Variants in ANKRD31 observed in about 807,000 individuals in gnomAD.
The protein encoded by ANKRD31 is ankyrin repeat domain 31, also known as ankyrin repeat domain-containing protein 31.
ANKRD31 carries 147 observed loss-of-function variants against 186.0 expected under a neutral mutation model. The observed-to-expected ratio is 0.79, with a 90% confidence interval of 0.69 to 0.91. The LOEUF is 0.91. ANKRD31 is among the 40% of genes least tolerant of loss of function. The pLI, the probability that ANKRD31 is intolerant of heterozygous loss-of-function variation, is 0.00. For synonymous variants in ANKRD31, 673 were observed against 736.4 expected, an observed-to-expected ratio of 0.91 and a Z score of 1.39; for missense variants, 1,986 against 2,148.8, an observed-to-expected ratio of 0.92 and a Z score of 1.50.
rs529418131 is a variant in ANKRD31, at chr5:75,225,952, C to T, written c.179-3594G>A. Among the ~76,000 whole-genome samples, 13 of 152,280 alleles carry T rather than the reference C, an allele frequency of 8.5e-5. No individual in the cohort carries two copies. The South Asian group carries it at 2.7e-3, about 32-fold the overall frequency. The stretch of plus-strand genomic sequence containing the variant: ...ACTGCTCTGAAGGGTGGGTTCCAGA[C>T]CTGATAGCATTCACCACAAGCTGAC... On this transcript the variant is annotated intron_variant, in intron 2 of 25. Coordinates refer to ENST00000506364, the MANE Select transcript of ANKRD31 (RefSeq NM_001372053.1).
intron 12 of ANKRD31, among the ~76,000 whole-genome samples, chr5:75,150,777 T>C (rs903704974): frequency 1.1e-4 from 17 of 152,110 alleles, no homozygotes; most frequent in African/African-American, 3.6e-4. Flanking sequence ...AATAGAGAAG[T>C]CAAGCAGTTA....
intron 10 of ANKRD31, among the ~76,000 whole-genome samples, chr5:75,176,831 C>G (rs189481438): frequency 6.6e-6 from 1 of 152,204 alleles, no homozygotes; most frequent in Admixed American, 6.5e-5. Flanking sequence ...AGTGCCTCTC[C>G]TCCTCTAAAG....
intron 17 of ANKRD31, among the ~76,000 whole-genome samples, chr5:75,136,916 A>T (rs1262061315): frequency 6.6e-6 from 1 of 152,206 alleles, no homozygotes; most frequent in Non-Finnish European, 1.5e-5. Flanking sequence ...TCACAAGGAC[A>T]GAAAACCAAA....
intron 16 of ANKRD31, 31 bp downstream of exon 16, chr5:75,138,815 A>G: frequency 6.5e-7 from 1 of 1,529,738 alleles, no homozygotes; most frequent in Non-Finnish European, 8.8e-7. Context: ...AGTTCAAATT[A>G]TAAAGGTAAT....
chr5:75,107,392 C>A (rs1044541905), intron 21 of ANKRD31, 129 bp downstream of exon 21: 1 of 622,752 alleles, frequency 1.6e-6, no homozygotes, highest in Non-Finnish European at 2.7e-6. Context: ...GATTAGACAA[C>A]CTCATAAAGT....
intron 1 of ANKRD31, among the ~76,000 whole-genome samples, chr5:75,231,743 T>C (rs1014609065): frequency 2.6e-5 from 4 of 151,628 alleles, no homozygotes; most frequent in African/African-American, 9.7e-5. Context: ...TTATGAAAAA[T>C]GAAAAATTAA....
At chr5:75,107,168 T>A (rs1245727744) in intron 21 of ANKRD31, among the ~76,000 whole-genome samples, 1 of 152,020 alleles carries the variant, frequency 6.6e-6, no homozygotes. Flanking sequence ...TAGAAGGACG[T>A]TTGTGACAGC....
At position 75,082,942 on chromosome 5, in the gene ANKRD31, A is replaced by C. The variant is rs1039057143; in HGVS notation, c.5575+1330T>G. 2.0e-5 allele frequency among the ~76,000 whole-genome samples: 3 copies of C among 152,210 alleles called. No homozygotes were observed. In the East Asian group the frequency reaches 5.8e-4, roughly 29 times the overall value. On this transcript the variant is annotated intron_variant, in intron 24 of 25. Coordinates refer to ENST00000506364, the MANE Select transcript of ANKRD31 (RefSeq NM_001372053.1). ...CAAAATGATTCAGTTGCTATGGAAA[A>C]CAGATTCGCTGTGCTTCCTACATAG...
intron 11 of ANKRD31, among the ~76,000 whole-genome samples, chr5:75,158,911 C>A (rs1752387452): frequency 6.6e-6 from 1 of 151,372 alleles, no homozygotes; most frequent in Non-Finnish European, 1.5e-5. Flanking sequence ...CCTATATGTG[C>A]AAAAAAACAC....
chr5:75,119,798 G>A (rs985882697), intron 17 of ANKRD31, among the ~76,000 whole-genome samples: 8 of 152,130 alleles, frequency 5.3e-5, no homozygotes, highest in South Asian at 2.1e-4. Context: ...TGACTGGTGC[G>A]AGATGATATC....
intron 22 of ANKRD31, among the ~76,000 whole-genome samples, chr5:75,101,259 C>G (rs1362949003): frequency 1.3e-5 from 2 of 152,164 alleles, no homozygotes; most frequent in Non-Finnish European, 2.9e-5. Context: ...GGCCCCTACT[C>G]TCTTCTGGCT....
At chr5:75,190,454 A>AT (rs1032062680) in intron 9 of ANKRD31, among the ~76,000 whole-genome samples, 3 of 152,022 alleles carry the variant, frequency 2.0e-5, no homozygotes, top group African/African-American at 7.2e-5. Flanking sequence ...CTCATCTTTA[A>AT]TTTTTTGGAA....
At chr5:75,199,289 A>G (rs145881339) in intron 6 of ANKRD31, among the ~76,000 whole-genome samples, 175 of 152,290 alleles carry the variant, frequency 1.1e-3, no homozygotes, top group East Asian at 2.5e-3. Flanking sequence ...TAGTCCTCTG[A>G]TTCTCCATAG....
At chr5:75,109,228 A>G (rs181278186) in intron 20 of ANKRD31, among the ~76,000 whole-genome samples, 2 of 152,336 alleles carry the variant, frequency 1.3e-5, no homozygotes, top group East Asian at 3.9e-4. Context: ...TAAAATACTT[A>G]GGGAAAAATA....
chr5:75,099,241 T>C (rs1746601495), intron 22 of ANKRD31, among the ~76,000 whole-genome samples: 1 of 152,232 alleles, frequency 6.6e-6, no homozygotes, highest in Admixed American at 6.5e-5. Flanking sequence ...ATTTATTGAT[T>C]TGCGTATGTT....
At chr5:75,112,486 C>A (rs898010211) in intron 20 of ANKRD31, 27 bp downstream of exon 20, 1 of 1,387,992 alleles carries the variant, frequency 7.2e-7, no homozygotes, top group Non-Finnish European at 9.7e-7. Context: ...CTGAAAATAT[C>A]ATACTTGAGT....
intron 7 of ANKRD31, 56 bp from the exon 8 acceptor site, chr5:75,193,647 C>T: frequency 6.9e-7 from 1 of 1,451,684 alleles, no homozygotes; most frequent in South Asian, 1.4e-5. Flanking sequence ...AAAATTAAAA[C>T]TATAAGAAGT....
chr5:75,170,050 C>A (rs1187795233), intron 10 of ANKRD31, among the ~76,000 whole-genome samples: 1 of 152,010 alleles, frequency 6.6e-6, no homozygotes, highest in Non-Finnish European at 1.5e-5. Context: ...GAAGAGACCC[C>A]AAAATGGTAA....
In ANKRD31 at chr5:75,068,456, G is replaced by A. The variant is rs1743938185; in HGVS notation, c.*63C>T. On this transcript the variant is annotated 3_prime_UTR_variant, in exon 26 of 26. Coordinates refer to ENST00000506364, the MANE Select transcript of ANKRD31 (RefSeq NM_001372053.1). ...ATAGGCCCACCAGATTATACAAGAT[G>A]AAATATAAATGTTTGTTGGTAATTT... 7.2e-7 allele frequency: 1 copy of A among 1,383,502 alleles called. No homozygotes were observed. 85.7% of individuals were successfully genotyped at this position (1,383,502 alleles called of 1,614,324 possible).
Sources: gnomAD v4.1 joint callset for allele counts (sites outside exome capture counted in the v4.1 genomes callset) on GRCh38, gnomAD v4.1.1 for gene constraint, MANE v1.5 for transcripts, NCBI Gene and HGNC (gene_info 2026-07-23, HGNC 2026-07-21) for gene names.